GREB1L: variants seen among roughly 807,000 people sequenced by gnomAD.
GREB1L encodes the protein GREB1 like retinoic acid receptor coactivator.
In GREB1L, 17 loss-of-function variants were observed where a neutral mutation model predicts 200.8. The ratio of observed to expected loss-of-function variants is 0.08; its 90% CI spans 0.06 to 0.13. The LOEUF is 0.13. GREB1L is among the 10% of genes least tolerant of loss of function. The pLI is 1.00. For synonymous variants in GREB1L, 789 were observed against 893.0 expected (o/e 0.88, Z 2.08); for missense variants, 1,657 against 2,367.7 (o/e 0.70, Z 6.23).
intron 1 of GREB1L, among the ~76,000 whole-genome samples, chr18:21,297,204 G>A (rs1285658038): frequency 6.6e-6 from 1 of 152,126 alleles, no homozygotes; most frequent in African/African-American, 2.4e-5. Flanking sequence ...AGTTTGAGAA[G>A]CACTGCTGTA....
At chr18:21,357,330 G>A (rs1031145955) in intron 1 of GREB1L, among the ~76,000 whole-genome samples, 9 of 152,216 alleles carry the variant, frequency 5.9e-5, no homozygotes, top group Non-Finnish European at 1.3e-4. Flanking sequence ...GGGATTACAG[G>A]CGTGAGCCTC....
In GREB1L at chr18:21,500,125, C is replaced by G. The variant is rs764201914; in HGVS notation, c.3788C>G (p.Ala1263Gly). Residue 1263 changes from alanine (A) to glycine (G), a missense_variant, in exon 22 of 33, where the codon GCC becomes GGC. Ala to Gly is a moderately conservative substitution (Grantham distance 60, BLOSUM62 0). Coordinates refer to ENST00000424526, the MANE Select transcript of GREB1L (RefSeq NM_001142966.3). ...SSSLLPHADV[A>G]WVSSLRPLLN... is the part of the protein sequence containing the mutation. ...TCCCTGCTGCCCCACGCCGACGTGG[C>G]CTGGGTGAGCTCCCTGCGGCCACTC... The G allele has an allele frequency of 2.8e-4, 438 of 1,551,688 alleles. 1 individual carries two copies. The highest frequency in any genetic ancestry group is 6.7e-4 in the Middle Eastern group (4 of 5,992).
At chr18:21,377,066 T>C (rs2040105705) in intron 2 of GREB1L, among the ~76,000 whole-genome samples, 1 of 152,130 alleles carries the variant, frequency 6.6e-6, no homozygotes, top group Non-Finnish European at 1.5e-5. Flanking sequence ...TATGAGCAAA[T>C]CTTTCTGCAC....
intron 1 of GREB1L, among the ~76,000 whole-genome samples, chr18:21,302,898 T>C (rs1422087006): frequency 2.6e-5 from 4 of 152,130 alleles, no homozygotes; most frequent in Admixed American, 6.5e-5. Context: ...ATTTTTTGTA[T>C]TTTTAGTAGA....
Position 21,496,332 on chromosome 18 carries a change from C to T in GREB1L, c.3147-122C>T. The T allele has an allele frequency of 2.8e-6, 3 of 1,060,894 alleles. No individual in the cohort carries two copies. The South Asian group carries it at 4.7e-5, about 17-fold the overall frequency. The allele number at this position is 1,060,894 out of a possible 1,614,324, so 65.7% of individuals were successfully genotyped here. On this transcript the variant is annotated intron_variant, in intron 20 of 32. Coordinates refer to ENST00000424526, the MANE Select transcript of GREB1L (RefSeq NM_001142966.3). ...GGCAGAGCTGAGGTTTCAGTCAAGG[C>T]TCACCTGGCACTGAAACCTATGATT...
rs2034671070 is a variant in GREB1L at position 21,454,617 on chromosome 18, C to T, written c.2182+54C>T. 3 of 1,319,700 alleles carry T rather than the reference C, an allele frequency of 2.3e-6. No individual in the cohort carries two copies. In the South Asian group the frequency reaches 3.8e-5, roughly 17 times the overall value. 81.7% of individuals were successfully genotyped at this position (1,319,700 alleles called of 1,614,324 possible). On this transcript the variant is annotated intron_variant, in intron 15 of 32. Coordinates refer to ENST00000424526, the MANE Select transcript of GREB1L (RefSeq NM_001142966.3). Reference sequence around the variant, plus strand: ...ACCTAGATCCAGCTTCAGATCCCCTCTGCCTCTTTCTTTTGCTTAATCCAA... The same window carrying T: ...ACCTAGATCCAGCTTCAGATCCCCTTTGCCTCTTTCTTTTGCTTAATCCAA...
chr18:21,509,167 A>G (rs535392746), intron 27 of GREB1L, among the ~76,000 whole-genome samples: 1 of 152,340 alleles, frequency 6.6e-6, no homozygotes, highest in Admixed American at 6.5e-5. Flanking sequence ...TGTTGTATGT[A>G]TGACAGAGCT....
Position 21,451,478 on chromosome 18 carries a change from CTTTTTTTTTTTTTTTTTTT to C in GREB1L, c.1849+339_1849+357del, listed in dbSNP as rs58956525. The stretch of plus-strand genomic sequence containing the variant: ...CCTCCCTTCCTTCTTTCCTTCCTTC[CTTTTTTTTTTTTTTTTTTT>C]TTTTTTTTTTTACAGTGTTGCACTC... On this transcript the variant is annotated intron_variant, in intron 13 of 32. Coordinates refer to ENST00000424526, the MANE Select transcript of GREB1L (RefSeq NM_001142966.3). 58 of 77,600 alleles carry C rather than the reference CTTTTTTTTTTTTTTTTTTT, an allele frequency of 7.5e-4. 1 individual carries two copies. The highest frequency in any genetic ancestry group is 2.4e-3 in the African/African-American group (56 of 23,366). The allele number at this position is 77,600 out of a possible 1,614,324, so 4.8% of individuals were successfully genotyped here. A position where few individuals can be genotyped will look rare whatever the true frequency, so the allele number is the denominator to read the frequency against.
intron 2 of GREB1L, among the ~76,000 whole-genome samples, chr18:21,383,009 A>G (rs933320413): frequency 2.0e-5 from 3 of 151,344 alleles, no homozygotes; most frequent in African/African-American, 7.4e-5. Context: ...TGCTTTCAGA[A>G]ATTTAATTAA....
At chr18:21,416,109 G>T (rs568449891) in intron 7 of GREB1L, among the ~76,000 whole-genome samples, 1 of 152,138 alleles carries the variant, frequency 6.6e-6, no homozygotes, top group Admixed American at 6.6e-5. Flanking sequence ...AAGTTAAGTA[G>T]ACATGACAGA....
At chr18:21,380,997 C>G (rs773523230) in intron 2 of GREB1L, among the ~76,000 whole-genome samples, 1 of 152,158 alleles carries the variant, frequency 6.6e-6, no homozygotes, top group Non-Finnish European at 1.5e-5. Context: ...AATCCCAGCA[C>G]TTTGGAAGGC....
chr18:21,423,728 A>G (rs1431393859), intron 7 of GREB1L, among the ~76,000 whole-genome samples: 3 of 152,134 alleles, frequency 2.0e-5, no homozygotes. Context: ...TAGGTGTGGT[A>G]GCCCACGCTT....
intron 1 of GREB1L, among the ~76,000 whole-genome samples, chr18:21,350,669 A>C (rs1460296294): frequency 6.6e-6 from 1 of 152,218 alleles, no homozygotes; most frequent in Admixed American, 6.5e-5. Context: ...GCAGCAACTC[A>C]GAAAAGACTT....
chr18:21,474,674 A>G (rs1396665056), intron 16 of GREB1L, among the ~76,000 whole-genome samples: 2 of 152,104 alleles, frequency 1.3e-5, no homozygotes, highest in East Asian at 3.9e-4. Context: ...TAGGCTGCAC[A>G]CAGCACAGGG....
intron 1 of GREB1L, among the ~76,000 whole-genome samples, chr18:21,315,835 G>A (rs1314543770): frequency 1.3e-5 from 2 of 152,088 alleles, no homozygotes; most frequent in Non-Finnish European, 2.9e-5. Context: ...GTGGTGGCTT[G>A]AGGAGAGGCA....
At chr18:21,324,191 A>G (rs1322441136) in intron 1 of GREB1L, among the ~76,000 whole-genome samples, 1 of 152,210 alleles carries the variant, frequency 6.6e-6, no homozygotes, top group Non-Finnish European at 1.5e-5. Flanking sequence ...ATGGTTCTTA[A>G]CTAATAATAT....
intron 6 of GREB1L, chr18:21,401,988 G>A (rs1290813448): frequency 3.3e-5 from 5 of 152,040 alleles, no homozygotes; most frequent in Non-Finnish European, 7.4e-5. Context: ...TATTTTTGAT[G>A]TTTTTCCTGA....
chr18:21,483,750 G>T (rs1434793073), intron 17 of GREB1L, among the ~76,000 whole-genome samples: 1 of 152,094 alleles, frequency 6.6e-6, no homozygotes, highest in Non-Finnish European at 1.5e-5. Context: ...GCCGAGGCAG[G>T]TTGATCACCT....
chr18:21,293,499 G>A (rs2038481789), intron 1 of GREB1L, among the ~76,000 whole-genome samples: 1 of 152,128 alleles, frequency 6.6e-6, no homozygotes, highest in African/African-American at 2.4e-5. Context: ...GCAAGGAGTT[G>A]GACTTCTTAA....
Sources: allele counts gnomAD v4.1 joint callset (sites outside exome capture counted in the v4.1 genomes callset), GRCh38; gene constraint gnomAD v4.1.1; transcripts MANE v1.5; gene names NCBI Gene and HGNC (gene_info 2026-07-23, HGNC 2026-07-21).